ARHGAP6: variants seen among roughly 807,000 people sequenced by gnomAD.
ARHGAP6 encodes the protein rho GTPase-activating protein 6.
In ARHGAP6, 16 loss-of-function variants were observed where a neutral mutation model predicts 55.7. The observed-to-expected ratio is 0.29, with a 90% confidence interval of 0.19 to 0.44. The LOEUF (loss-of-function observed/expected upper bound fraction) is 0.44. Among genes scored for constraint, ARHGAP6 ranks in the 20% least tolerant of loss-of-function variants. ARHGAP6 has a pLI of 1.00. For missense variants in ARHGAP6, 698 were observed against 808.9 expected, an observed-to-expected ratio of 0.86 and a Z score of 1.66; for synonymous variants, 382 against 360.9, an observed-to-expected ratio of 1.06 and a Z score of -0.66.
At chrX:11,419,276 G>A (rs1305913842) in intron 1 of ARHGAP6, among the ~76,000 whole-genome samples, 3 of 112,098 alleles carry the variant, frequency 2.7e-5, no homozygotes, top group South Asian at 3.7e-4. Context: ...ACACATTGGC[G>A]TAGTTCATTC....
At position 11,641,659 on chromosome X, in the gene ARHGAP6, C is replaced by T. The variant is rs375073294; in HGVS notation, c.588+22582G>A. On this transcript the variant is annotated intron_variant, in intron 1 of 12. Transcript: ENST00000337414. ...AAATTATGTGAAAAATGCTGGTACA[C>T]GCATTATAAATATTTCCACAAGCTA... Among the ~76,000 whole-genome samples the T allele has an allele frequency of 3.6e-4, 40 of 111,569 alleles. 1 individual carries two copies. Among genetic ancestry groups the T allele is most frequent in the South Asian group, 1.1e-3 (3 of 2,664 alleles).
chrX:11,468,844 T>C (rs1203796243), intron 1 of ARHGAP6, among the ~76,000 whole-genome samples: 3 of 112,666 alleles, frequency 2.7e-5, no homozygotes, highest in African/African-American at 9.7e-5. Context: ...TTGAAGTGGA[T>C]ATATTGAAGG....
chrX:11,395,255 G>C (rs778309872), intron 1 of ARHGAP6, among the ~76,000 whole-genome samples: 6 of 111,871 alleles, frequency 5.4e-5, no homozygotes, highest in African/African-American at 1.6e-4. Flanking sequence ...GAAAAGTGAA[G>C]AAACACTAAG....
chrX:11,563,448 T>G (rs1330162405), intron 1 of ARHGAP6, among the ~76,000 whole-genome samples: 1 of 111,890 alleles, frequency 8.9e-6, no homozygotes, highest in South Asian at 3.7e-4. Flanking sequence ...TAATTTTCAA[T>G]TGTATGAAAT....
intron 1 of ARHGAP6, among the ~76,000 whole-genome samples, chrX:11,476,871 T>G (rs1017206888): frequency 9.0e-6 from 1 of 111,466 alleles, no homozygotes; most frequent in Non-Finnish European, 1.9e-5. Flanking sequence ...TAAAATGTTT[T>G]CAAGATAATA....
chrX:11,449,068 T>C (rs1422024894), intron 1 of ARHGAP6, among the ~76,000 whole-genome samples: 3 of 111,507 alleles, frequency 2.7e-5, no homozygotes, highest in Admixed American at 9.5e-5. Flanking sequence ...GTGAAAGCTA[T>C]GAGAAGCGTA....
intron 1 of ARHGAP6, among the ~76,000 whole-genome samples, chrX:11,461,256 T>C (rs974362286): frequency 8.9e-6 from 1 of 112,241 alleles, no homozygotes; most frequent in African/African-American, 3.2e-5. Context: ...GAAGAGCCAG[T>C]ATACAGGCTG....
intron 1 of ARHGAP6, among the ~76,000 whole-genome samples, chrX:11,593,383 T>C (rs2051861789): frequency 8.9e-6 from 1 of 111,856 alleles, no homozygotes; most frequent in African/African-American, 3.3e-5. Flanking sequence ...TATACAACAT[T>C]CTGGAAAAGA....
At chrX:11,337,115 A>G (rs2048647626) in intron 1 of ARHGAP6, among the ~76,000 whole-genome samples, 1 of 110,421 alleles carries the variant, frequency 9.1e-6, no homozygotes, top group African/African-American at 3.3e-5. Context: ...GAATATTCCT[A>G]CTTGGTACTC....
intron 1 of ARHGAP6, among the ~76,000 whole-genome samples, chrX:11,315,898 C>T (rs1395799723): frequency 9.0e-6 from 1 of 111,524 alleles, no homozygotes; most frequent in African/African-American, 3.3e-5. Context: ...GTTTATATCT[C>T]CAACTAGGAC....
In ARHGAP6 at chrX:11,138,322, G is replaced by A. The variant is rs55700213; in HGVS notation, c.*541C>T. On this transcript the variant is annotated 3_prime_UTR_variant, in exon 13 of 13. Coordinates refer to ENST00000337414, the MANE Select transcript of ARHGAP6 (RefSeq NM_013427.3). Reference sequence around the variant, plus strand: ...CTTCCTCTTGTTAGTGTTTGGTATCGAAGGAAGGGTTATCCCCAGTTATAA... The same window carrying A: ...CTTCCTCTTGTTAGTGTTTGGTATCAAAGGAAGGGTTATCCCCAGTTATAA... 0.011 allele frequency: 1,269 copies of A among 112,235 alleles called. 10 individuals carry two copies. Among genetic ancestry groups the A allele is most frequent in the Non-Finnish European group, 0.018 (946 of 53,227 alleles). The allele number at this position is 112,235 out of a possible 1,213,427, so 9.2% of individuals were successfully genotyped here. A position where few individuals can be genotyped will look rare whatever the true frequency, so the allele number is the denominator to read the frequency against.
In ARHGAP6 at chrX:11,587,014, G is replaced by A. The variant is rs771718971; in HGVS notation, c.588+77227C>T. Among the ~76,000 whole-genome samples the A allele has an allele frequency of 1.8e-4, 20 of 111,689 alleles. No homozygotes were observed. In the East Asian group the frequency reaches 4.5e-3, roughly 25 times the overall value. On this transcript the variant is annotated intron_variant, in intron 1 of 12. Coordinates refer to ENST00000337414, the MANE Select transcript of ARHGAP6 (RefSeq NM_013427.3). The stretch of plus-strand genomic sequence containing the variant: ...ATAGGAATGCTAGTGATTTTTATAC[G>A]TTGATTTTGTATCTTGAGACTTTGC...
At chrX:11,225,538 T>A (rs1022072267) in intron 2 of ARHGAP6, 10 of 194,097 alleles carry the variant, frequency 5.2e-5, no homozygotes, top group Non-Finnish European at 9.4e-5. Context: ...TTAAAATTGG[T>A]CATAAATGTT....
At chrX:11,193,105 A>C (rs1456975912) in intron 3 of ARHGAP6, among the ~76,000 whole-genome samples, 1 of 112,484 alleles carries the variant, frequency 8.9e-6, no homozygotes, top group East Asian at 2.8e-4. Context: ...GGAACATAGG[A>C]GTGTCACAAG....
intron 10 of ARHGAP6, among the ~76,000 whole-genome samples, chrX:11,155,987 T>C (rs901340363): frequency 6.2e-5 from 7 of 112,509 alleles, no homozygotes; most frequent in Non-Finnish European, 1.3e-4. Flanking sequence ...CATGAGTGCA[T>C]GTAGAAACCC....
In ARHGAP6 at chrX:11,144,166, C is replaced by T. The variant is rs780048088; in HGVS notation, c.1990G>A (p.Gly664Arg). 39 of 1,210,266 alleles carry T rather than the reference C, an allele frequency of 3.2e-5. No individual in the cohort carries two copies. Among genetic ancestry groups the T allele is most frequent in the Non-Finnish European group, 4.4e-5 (39 of 895,291 alleles). ...SSTDSNKASS[G>R]DISPYDNNSP... is the part of the protein sequence containing the mutation. ...TTGTTGTCATAAGGGGAGATGTCTC[C>T]GCTGGAGGCCTTGTTGGAGTCTGTA... Residue 664 changes from glycine (G) to arginine (R), a missense_variant, in exon 11 of 13, where the codon GGA (glycine) becomes AGA (arginine). Physicochemically the swap from Gly to Arg is moderately radical, Grantham distance 125. Transcript: ENST00000337414.
At chrX:11,368,544 T>C (rs2049110306) in intron 1 of ARHGAP6, among the ~76,000 whole-genome samples, 1 of 112,068 alleles carries the variant, frequency 8.9e-6, no homozygotes, top group Non-Finnish European at 1.9e-5. Flanking sequence ...CCAACCTGCC[T>C]TAATTATCAC....
intron 9 of ARHGAP6, among the ~76,000 whole-genome samples, chrX:11,163,502 C>T (rs2045977552): frequency 8.9e-6 from 1 of 112,307 alleles, no homozygotes; most frequent in African/African-American, 3.2e-5. Flanking sequence ...CACCAATCCA[C>T]CACTTTGCAC....
chrX:11,481,592 G>A (rs17281094), intron 1 of ARHGAP6, among the ~76,000 whole-genome samples: 9,035 of 112,302 alleles, frequency 0.08, 384 homozygotes, highest in East Asian at 0.18. Flanking sequence ...GAAAGAATGT[G>A]TGCCAAGTAC....
Sources: allele counts gnomAD v4.1 joint callset (sites outside exome capture counted in the v4.1 genomes callset), GRCh38; gene constraint gnomAD v4.1.1; transcripts MANE v1.5; gene names NCBI Gene and HGNC (gene_info 2026-07-23, HGNC 2026-07-21).